TENM4: variants seen among roughly 807,000 people sequenced by gnomAD.
TENM4 encodes the protein teneurin-4.
Under a neutral mutation model 243.3 loss-of-function variants are expected in TENM4, and 82 were observed. The ratio of observed to expected loss-of-function variants is 0.34; its 90% confidence interval spans 0.28 to 0.40. The LOEUF (loss-of-function observed/expected upper bound fraction) is 0.40, where lower values mean the gene tolerates loss of function less well. TENM4 is among the 10% of genes least tolerant of loss of function. TENM4 has a pLI of 1.00. For missense variants in TENM4, 3,138 were observed against 3,673.3 expected, an observed-to-expected ratio of 0.85 and a Z score of 3.77; for synonymous variants, 1,412 against 1,456.3, an observed-to-expected ratio of 0.97 and a Z score of 0.69.
intron 6 of TENM4, among the ~76,000 whole-genome samples, chr11:79,016,626 G>A (rs925136504): frequency 2.0e-5 from 3 of 152,152 alleles, no homozygotes; most frequent in African/African-American, 7.2e-5. Context: ...ATGGAAACGA[G>A]ATTATCTTGA....
chr11:78,851,171 G>C (rs917098623), intron 12 of TENM4, among the ~76,000 whole-genome samples: 1 of 152,180 alleles, frequency 6.6e-6, no homozygotes, highest in Non-Finnish European at 1.5e-5. Context: ...GTATCACTGG[G>C]TGATGGTTGG....
chr11:79,415,432 C>G (rs1482338405), intron 1 of TENM4, among the ~76,000 whole-genome samples: 2 of 152,182 alleles, frequency 1.3e-5, no homozygotes, highest in Non-Finnish European at 2.9e-5. Flanking sequence ...TCATTATAGA[C>G]AAGCATTTGG....
chr11:78,893,259 G>C (rs76985198), intron 7 of TENM4, among the ~76,000 whole-genome samples: 1 of 152,204 alleles, frequency 6.6e-6, no homozygotes, highest in Non-Finnish European at 1.5e-5. Flanking sequence ...TGGGAGGCCT[G>C]GTGGCCCAAT....
At chr11:79,070,464 C>G (rs955470659) in intron 4 of TENM4, among the ~76,000 whole-genome samples, 1 of 152,160 alleles carries the variant, frequency 6.6e-6, no homozygotes, top group Non-Finnish European at 1.5e-5. Context: ...CTTAGTAAAT[C>G]TTGATATCTT....
chr11:78,969,290 C>T (rs1226488305), intron 6 of TENM4, among the ~76,000 whole-genome samples: 2 of 152,168 alleles, frequency 1.3e-5, no homozygotes, highest in South Asian at 2.1e-4. Context: ...GGGAAACTGT[C>T]CTAATACATA....
chr11:79,302,482 T>C (rs1221570001), intron 1 of TENM4, among the ~76,000 whole-genome samples: 2 of 152,258 alleles, frequency 1.3e-5, no homozygotes, highest in Non-Finnish European at 2.9e-5. Flanking sequence ...TTATATATTA[T>C]ATCTAATATA....
rs145387480 is a variant in TENM4, at chr11:78,693,645, T to C, written c.5088-5419A>G. ...GATGACCAGATGACTGGCTTTTCAT[T>C]ATTTCCTCCCACTGATTTTTCTTCA... is the stretch of plus-strand genomic sequence containing the variant. On this transcript the variant is annotated intron_variant, in intron 28 of 33. Coordinates refer to ENST00000278550, the MANE Select transcript of TENM4 (RefSeq NM_001098816.3). Among the ~76,000 whole-genome samples the C allele has an allele frequency of 8.7e-4, 133 of 152,298 alleles. 1 individual carries two copies. The East Asian group carries it at 0.021, about 24-fold the overall frequency.
intron 3 of TENM4, among the ~76,000 whole-genome samples, chr11:79,208,279 A>G (rs1356992146): frequency 6.6e-6 from 1 of 152,210 alleles, no homozygotes; most frequent in Admixed American, 6.5e-5. Context: ...GCCTTTGCCT[A>G]TTTTAGAAAA....
At chr11:79,422,648 A>G (rs1858959888) in intron 1 of TENM4, among the ~76,000 whole-genome samples, 1 of 152,246 alleles carries the variant, frequency 6.6e-6, no homozygotes, top group Non-Finnish European at 1.5e-5. Flanking sequence ...TAAATAATTC[A>G]GAAGCACTAA....
chr11:79,386,440 T>A (rs1398629012), intron 1 of TENM4, among the ~76,000 whole-genome samples: 2 of 152,158 alleles, frequency 1.3e-5, no homozygotes, highest in African/African-American at 4.8e-5. Context: ...TAGGAACTTA[T>A]CTTCACCAAA....
intron 6 of TENM4, among the ~76,000 whole-genome samples, chr11:78,978,895 G>A (rs1328585927): frequency 1.3e-5 from 2 of 152,128 alleles, no homozygotes. Flanking sequence ...ACTGAGTGAA[G>A]TTTGTGTACA....
At chr11:79,290,791 G>A (rs1856342686) in intron 2 of TENM4, among the ~76,000 whole-genome samples, 1 of 152,114 alleles carries the variant, frequency 6.6e-6, no homozygotes, top group South Asian at 2.1e-4. Context: ...CCTCATCTGT[G>A]CAACTGGAAT....
chr11:79,101,636 C>A (rs780036291), intron 4 of TENM4, among the ~76,000 whole-genome samples: 4 of 152,224 alleles, frequency 2.6e-5, no homozygotes, highest in Non-Finnish European at 5.9e-5. Context: ...CTGCGCCTCA[C>A]TTTCCTCTCA....
At position 79,066,763 on chromosome 11, in the gene TENM4, C is replaced by G. The variant is rs115012289; in HGVS notation, c.224-1756G>C. 3.1e-3 allele frequency among the ~76,000 whole-genome samples: 472 copies of G among 152,060 alleles called. 3 individuals are homozygous for G. Among genetic ancestry groups the G allele is most frequent in the African/African-American group, 0.01 (431 of 41,488 alleles). On this transcript the variant is annotated intron_variant, in intron 5 of 33. Coordinates refer to ENST00000278550, the MANE Select transcript of TENM4 (RefSeq NM_001098816.3). The stretch of plus-strand genomic sequence containing the variant: ...ACATGCACACACGCACGCACAAGCA[C>G]GCACACACACACAAGCACATACTCT...
chr11:79,080,620 C>T (rs923178237), intron 4 of TENM4, among the ~76,000 whole-genome samples: 2 of 152,186 alleles, frequency 1.3e-5, no homozygotes, highest in Non-Finnish European at 2.9e-5. Flanking sequence ...ACACATGTTG[C>T]CTTGGGGCAC....
chr11:79,173,380 G>A (rs1374356968), intron 3 of TENM4, among the ~76,000 whole-genome samples: 4 of 152,016 alleles, frequency 2.6e-5, no homozygotes, highest in East Asian at 1.9e-4. Context: ...GGTTATTCTC[G>A]GTTGAGTCTC....
chr11:78,820,622 A>G (rs1857705653), intron 12 of TENM4, among the ~76,000 whole-genome samples: 1 of 152,220 alleles, frequency 6.6e-6, no homozygotes, highest in African/African-American at 2.4e-5. Context: ...TTTATGAATT[A>G]AAAAACAATC....
At chr11:79,248,781 T>C (rs1054422107) in intron 2 of TENM4, among the ~76,000 whole-genome samples, 2 of 152,184 alleles carry the variant, frequency 1.3e-5, no homozygotes, top group African/African-American at 4.8e-5. Flanking sequence ...GAGACTTTTT[T>C]TTCCCCTAGC....
At chr11:78,923,462 G>A (rs1420235890) in intron 6 of TENM4, among the ~76,000 whole-genome samples, 1 of 152,122 alleles carries the variant, frequency 6.6e-6, no homozygotes, top group African/African-American at 2.4e-5. Flanking sequence ...GAATGAGCAG[G>A]TGACCCAGTT....
Sources: gnomAD v4.1 joint callset for allele counts (sites outside exome capture counted in the v4.1 genomes callset) on GRCh38, gnomAD v4.1.1 for gene constraint, MANE v1.5 for transcripts, NCBI Gene and HGNC (gene_info 2026-07-23, HGNC 2026-07-21) for gene names.